CFAP20DC: variants seen among roughly 807,000 people sequenced by gnomAD.
The protein encoded by CFAP20DC is protein CFAP20DC.
In CFAP20DC, 84 loss-of-function variants were observed where a neutral mutation model predicts 101.7. The ratio of observed to expected loss-of-function variants is 0.83; its 90% CI spans 0.69 to 0.99. CFAP20DC has a LOEUF of 0.99. Among genes scored for constraint, CFAP20DC ranks in the 50% least tolerant of loss-of-function variants. CFAP20DC has a pLI of 0.00. For synonymous variants in CFAP20DC, 359 were observed against 351.2 expected, an observed-to-expected ratio of 1.02 and a Z score of -0.25; for missense variants, 1,007 against 970.3, an observed-to-expected ratio of 1.04 and a Z score of -0.50.
chr3:58,807,047 G>A (rs1411000906), intron 14 of CFAP20DC, among the ~76,000 whole-genome samples: 1 of 152,166 alleles, frequency 6.6e-6, no homozygotes, highest in Non-Finnish European at 1.5e-5. Context: ...GACTTGCTTA[G>A]GTAAACAAAG....
chr3:58,763,433 A>G (rs2069883083), intron 15 of CFAP20DC, among the ~76,000 whole-genome samples: 1 of 151,872 alleles, frequency 6.6e-6, no homozygotes, highest in Non-Finnish European at 1.5e-5. Context: ...CTAGTTAGCC[A>G]TTCGTCTAAT....
chr3:58,876,762 AATTTTCAT>A (rs1322991056), intron 7 of CFAP20DC, among the ~76,000 whole-genome samples: 2 of 152,198 alleles, frequency 1.3e-5, no homozygotes. Flanking sequence ...AAACCTGTTG[AATTTTCAT>A]ATCTAATCAC....
At position 58,852,058 on chromosome 3, in the gene CFAP20DC, T is replaced by C. The variant is rs1297854033; in HGVS notation, c.1594-2649A>G. Among the ~76,000 whole-genome samples, 13 of 152,238 alleles carry C rather than the reference T, an allele frequency of 8.5e-5. No homozygotes were observed. The East Asian group carries it at 2.1e-3, about 25-fold the overall frequency. ...ATGCCTTGACCAATGCCCAAAACCA[T>C]TGCCATGACCTTTGCTGCTGACTGG... On this transcript the variant is annotated intron_variant, in intron 12 of 16. Transcript: ENST00000482387.
At chr3:59,012,204 G>A (rs988761293) in intron 4 of CFAP20DC, among the ~76,000 whole-genome samples, 2 of 152,126 alleles carry the variant, frequency 1.3e-5, no homozygotes, top group East Asian at 1.9e-4. Context: ...GTCACGGAAC[G>A]CCTTAAAGAT....
chr3:59,033,993 A>G (rs865935821), intron 4 of CFAP20DC, among the ~76,000 whole-genome samples: 3 of 152,188 alleles, frequency 2.0e-5, no homozygotes, highest in Non-Finnish European at 2.9e-5. Flanking sequence ...CAGACTAACA[A>G]TGGATCTCTC....
At chr3:59,016,793 A>G (rs2093698500) in intron 4 of CFAP20DC, among the ~76,000 whole-genome samples, 3 of 152,136 alleles carry the variant, frequency 2.0e-5, no homozygotes, top group Admixed American at 6.5e-5. Flanking sequence ...AAGGTTGCCA[A>G]TGTTGCTCAT....
chr3:59,030,567 A>C (rs1200658069), intron 4 of CFAP20DC, among the ~76,000 whole-genome samples: 2 of 152,212 alleles, frequency 1.3e-5, no homozygotes, highest in African/African-American at 4.8e-5. Flanking sequence ...GGAAAATCCA[A>C]ATGTTTGTCC....
chr3:58,858,280 A>G (rs558064065), intron 12 of CFAP20DC, among the ~76,000 whole-genome samples: 2 of 152,330 alleles, frequency 1.3e-5, no homozygotes, highest in East Asian at 3.9e-4. Flanking sequence ...GTCACGCCCC[A>G]GTGCCAGGAA....
At chr3:58,781,315 C>A (rs976654266) in intron 15 of CFAP20DC, among the ~76,000 whole-genome samples, 1 of 151,452 alleles carries the variant, frequency 6.6e-6, no homozygotes, top group Admixed American at 6.6e-5. Flanking sequence ...CAGCAATGAA[C>A]ATCTACATCA....
rs554140261 is a variant in CFAP20DC, at chr3:58,772,413, A to G, written c.2238-18550T>C. On this transcript the variant is annotated intron_variant, in intron 15 of 16. Transcript: ENST00000482387. The stretch of plus-strand genomic sequence containing the variant: ...GAAATACAAATTAAAATAATGATAT[A>G]CTATTGATACATAGTAGCTTGGCAA... Among the ~76,000 whole-genome samples, 47 of 152,356 alleles carry G rather than the reference A, an allele frequency of 3.1e-4. No individual in the cohort carries two copies. The South Asian group carries it at 9.7e-3, about 32-fold the overall frequency.
rs143671686 is a variant in CFAP20DC at position 58,924,083 on chromosome 3, A to G, written c.394-10219T>C. Among the ~76,000 whole-genome samples, 7 of 152,182 alleles carry G rather than the reference A, an allele frequency of 4.6e-5. No individual in the cohort carries two copies. The East Asian group carries it at 1.4e-3, about 29-fold the overall frequency. On this transcript the variant is annotated intron_variant, in intron 5 of 16. Transcript: ENST00000482387. The stretch of plus-strand genomic sequence containing the variant: ...TTTTTTCAGTTCTAGAATGCAAAAA[A>G]TTTTTTAAAATTATAGATTAAGGGG...
At chr3:59,017,450 T>C (rs978865110) in intron 4 of CFAP20DC, 1 of 152,148 alleles carries the variant, frequency 6.6e-6, no homozygotes, top group Non-Finnish European at 1.5e-5. Flanking sequence ...CCCACAACTT[T>C]CGCAACTTTA....
At chr3:58,806,577 T>G (rs1575691247) in intron 14 of CFAP20DC, 121 bp from the exon 15 acceptor site, 6 of 730,758 alleles carry the variant, frequency 8.2e-6, no homozygotes, top group East Asian at 5.5e-5. Flanking sequence ...AGGGTATGGG[T>G]GGGAGGGCAG....
chr3:58,829,662 T>C (rs553186494), intron 14 of CFAP20DC, among the ~76,000 whole-genome samples: 1 of 152,300 alleles, frequency 6.6e-6, no homozygotes, highest in Non-Finnish European at 1.5e-5. Context: ...TTTGGTCAAA[T>C]AGAGGGGTTA....
intron 8 of CFAP20DC, 139 bp downstream of exon 8, chr3:58,870,034 C>T: frequency 1.3e-6 from 1 of 741,550 alleles, no homozygotes; most frequent in Non-Finnish European, 2.1e-6. Flanking sequence ...TTATTCAAGC[C>T]TTCTGCTTTT....
intron 14 of CFAP20DC, among the ~76,000 whole-genome samples, chr3:58,807,791 A>T (rs1308714553): frequency 1.3e-5 from 2 of 152,234 alleles, no homozygotes; most frequent in Non-Finnish European, 2.9e-5. Context: ...ATTCAAACCA[A>T]AGGCAAAGAA....
intron 13 of CFAP20DC, among the ~76,000 whole-genome samples, chr3:58,842,318 C>T (rs1462491489): frequency 6.6e-6 from 1 of 152,104 alleles, no homozygotes; most frequent in Admixed American, 6.5e-5. Flanking sequence ...GCACCGTGCG[C>T]GAGCTGAAGC....
Position 58,806,294 on chromosome 3 carries a change from G to C in CFAP20DC, c.2237+101C>G, listed in dbSNP as rs1037479655. Reference sequence around the variant, plus strand: ...ACTTTGAAAGAACATAAGTTTGGAAGCTAGAAGTTTTGGAAAACAATTTCA... The same window carrying C: ...ACTTTGAAAGAACATAAGTTTGGAACCTAGAAGTTTTGGAAAACAATTTCA... On this transcript the variant is annotated intron_variant, in intron 15 of 16. Coordinates refer to ENST00000482387, the MANE Select transcript of CFAP20DC (RefSeq NM_001394063.1). 1.0e-5 allele frequency: 8 copies of C among 782,014 alleles called. No homozygotes were observed. The African/African-American group carries it at 1.4e-4, about 14-fold the overall frequency. The allele number at this position is 782,014 out of a possible 1,614,324, so 48.4% of individuals were successfully genotyped here. A position where few individuals can be genotyped will look rare whatever the true frequency, so the allele number is the denominator to read the frequency against.
chr3:58,761,367 G>A (rs1198872247), intron 15 of CFAP20DC, among the ~76,000 whole-genome samples: 1 of 151,994 alleles, frequency 6.6e-6, no homozygotes, highest in Non-Finnish European at 1.5e-5. Flanking sequence ...TATTTCTGTG[G>A]GATTGGTGGT....
Sources: gnomAD v4.1 joint callset for allele counts (sites outside exome capture counted in the v4.1 genomes callset) on GRCh38, gnomAD v4.1.1 for gene constraint, MANE v1.5 for transcripts, NCBI Gene and HGNC (gene_info 2026-07-23, HGNC 2026-07-21) for gene names.